CELF4: variants seen among roughly 807,000 people sequenced by gnomAD.
CELF4 encodes the protein CUGBP Elav-like family member 4.
Under a neutral mutation model 59.9 loss-of-function variants are expected in CELF4, and 18 were observed. The observed-to-expected ratio is 0.30, with a 90% CI of 0.21 to 0.45. The LOEUF (loss-of-function observed/expected upper bound fraction) is 0.45, where lower values mean the gene tolerates loss of function less well. CELF4 is among the 20% of genes least tolerant of loss of function. CELF4 has a pLI of 1.00. For missense variants in CELF4, 456 were observed against 689.0 expected, an observed-to-expected ratio of 0.66 and a Z score of 3.79; for synonymous variants, 261 against 267.1, an observed-to-expected ratio of 0.98 and a Z score of 0.22.
chr18:37,524,116 G>A (rs1322069052), intron 1 of CELF4, among the ~76,000 whole-genome samples: 1 of 152,224 alleles, frequency 6.6e-6, no homozygotes, highest in Non-Finnish European at 1.5e-5. Flanking sequence ...ACAGTGCCTG[G>A]CATACAGCGA....
intron 1 of CELF4, among the ~76,000 whole-genome samples, chr18:37,529,816 C>T (rs554276277): frequency 1.3e-5 from 2 of 152,252 alleles, no homozygotes; most frequent in African/African-American, 4.8e-5. Context: ...CCTTGGCCTC[C>T]GTATATCTCC....
At chr18:37,508,024 TCGC>T (rs1214133754) in intron 1 of CELF4, among the ~76,000 whole-genome samples, 2 of 152,170 alleles carry the variant, frequency 1.3e-5, no homozygotes, top group African/African-American at 4.8e-5. Flanking sequence ...GGTCCAGACC[TCGC>T]CATCACTCGC....
intron 2 of CELF4, among the ~76,000 whole-genome samples, chr18:37,403,480 G>A (rs1355266910): frequency 1.3e-5 from 2 of 152,172 alleles, no homozygotes; most frequent in African/African-American, 4.8e-5. Flanking sequence ...GGAGGGCTGG[G>A]GACAAATGGC....
At chr18:37,452,359 C>T (rs1209111454) in intron 2 of CELF4, among the ~76,000 whole-genome samples, 3 of 151,952 alleles carry the variant, frequency 2.0e-5, no homozygotes, top group Non-Finnish European at 4.4e-5. Flanking sequence ...ACAGGCGGTG[C>T]CTGCCCAGCC....
chr18:37,258,181 A>G (rs1376279807), intron 11 of CELF4, among the ~76,000 whole-genome samples: 3 of 152,176 alleles, frequency 2.0e-5, no homozygotes, highest in African/African-American at 7.2e-5. Context: ...TGCCCTGAGC[A>G]CATTTCCTGC....
intron 2 of CELF4, among the ~76,000 whole-genome samples, chr18:37,339,842 A>T (rs1314645357): frequency 6.6e-6 from 1 of 151,942 alleles, no homozygotes; most frequent in African/African-American, 2.4e-5. Flanking sequence ...GAATGAACAC[A>T]TAGCAGAGGG....
chr18:37,564,052 A>G (rs1393737246), intron 1 of CELF4, among the ~76,000 whole-genome samples: 3 of 152,154 alleles, frequency 2.0e-5, no homozygotes, highest in Non-Finnish European at 4.4e-5. Flanking sequence ...GCTGCTCTCT[A>G]TGTGGGGGTG....
intron 2 of CELF4, among the ~76,000 whole-genome samples, chr18:37,419,037 T>G (rs1021219122): frequency 2.6e-5 from 4 of 152,216 alleles, no homozygotes; most frequent in Non-Finnish European, 5.9e-5. Context: ...TCCTCTGGTA[T>G]GGCTGGAGCT....
chr18:37,558,566 G>T (rs1033057158), intron 1 of CELF4, among the ~76,000 whole-genome samples: 1 of 56,290 alleles, frequency 1.8e-5, no homozygotes, highest in Non-Finnish European at 3.7e-5. Context: ...GGGGGCGGGT[G>T]GGGGGGGCTC....
intron 3 of CELF4, among the ~76,000 whole-genome samples, chr18:37,286,352 G>A (rs1272851685): frequency 6.6e-6 from 1 of 152,138 alleles, no homozygotes; most frequent in African/African-American, 2.4e-5. Flanking sequence ...GGCAGTGGTC[G>A]CTGCCTGCAG....
At chr18:37,276,837 T>C (rs1391672832) in intron 3 of CELF4, among the ~76,000 whole-genome samples, 1 of 152,202 alleles carries the variant, frequency 6.6e-6, no homozygotes, top group Admixed American at 6.5e-5. Flanking sequence ...CGCTAGATGT[T>C]TGTGGATGAT....
At chr18:37,490,426 G>A (rs2099897979) in intron 1 of CELF4, among the ~76,000 whole-genome samples, 2 of 152,212 alleles carry the variant, frequency 1.3e-5, no homozygotes, top group African/African-American at 4.8e-5. Context: ...ATGAAAAGGA[G>A]GTGGGTGAGA....
At chr18:37,319,050 C>T (rs999078109) in intron 3 of CELF4, among the ~76,000 whole-genome samples, 3 of 152,232 alleles carry the variant, frequency 2.0e-5, no homozygotes, top group South Asian at 2.1e-4. Flanking sequence ...ATCTCCTCTC[C>T]GGAACTGCTG....
chr18:37,473,599 G>T (rs1191096668), intron 2 of CELF4: 1 of 152,344 alleles, frequency 6.6e-6, no homozygotes, highest in East Asian at 1.9e-4. Flanking sequence ...TAGCAGTGCT[G>T]CATGAAGAAG....
At chr18:37,396,083 C>T (rs569705955) in intron 2 of CELF4, among the ~76,000 whole-genome samples, 22 of 152,336 alleles carry the variant, frequency 1.4e-4, no homozygotes, top group African/African-American at 3.6e-4. Flanking sequence ...CCATGGTCCC[C>T]GACCAGATTA....
intron 3 of CELF4, among the ~76,000 whole-genome samples, chr18:37,292,406 G>A (rs1454517888): frequency 6.6e-6 from 1 of 152,188 alleles, no homozygotes. Context: ...GATGTGAGAT[G>A]GCTCAGGGCA....
intron 1 of CELF4, among the ~76,000 whole-genome samples, chr18:37,508,919 G>A (rs1242379100): frequency 6.6e-6 from 1 of 152,194 alleles, no homozygotes; most frequent in Non-Finnish European, 1.5e-5. Context: ...TGGCAGCTCA[G>A]CTGTCACTAG....
At chr18:37,255,688 G>T (rs1238931232) in intron 11 of CELF4, among the ~76,000 whole-genome samples, 1 of 152,140 alleles carries the variant, frequency 6.6e-6, no homozygotes, top group Admixed American at 6.6e-5. Context: ...TATGTGAATT[G>T]TGTGTTGATA....
chr18:37,517,532 C>T (rs2099952105), intron 1 of CELF4, among the ~76,000 whole-genome samples: 1 of 152,152 alleles, frequency 6.6e-6, no homozygotes, highest in Non-Finnish European at 1.5e-5. Flanking sequence ...CAGGTTTTAG[C>T]ACTGAAAGTC....
Sources: allele counts gnomAD v4.1 joint callset (sites outside exome capture counted in the v4.1 genomes callset), GRCh38; gene constraint gnomAD v4.1.1; transcripts MANE v1.5; gene names NCBI Gene and HGNC (gene_info 2026-07-23, HGNC 2026-07-21).